Variants in NLGN1 observed in about 807,000 individuals in gnomAD.
The protein encoded by NLGN1 is neuroligin 1.
A neutral mutation model predicts 65.5 loss-of-function variants in NLGN1; 12 were observed. That is an observed-to-expected ratio of 0.18 (90% CI 0.12 to 0.30). The LOEUF is 0.30. Among genes scored for constraint, NLGN1 ranks in the 10% least tolerant of loss-of-function variants. NLGN1 has a pLI of 1.00. For synonymous variants in NLGN1, 350 were observed against 359.5 expected (o/e 0.97, Z 0.30); for missense variants, 750 against 1,007.1 (o/e 0.74, Z 3.46).
exon 7 of NLGN1, chr3:174,282,387 C>T (rs1222287608): frequency 2.0e-5 from 3 of 152,090 alleles, no homozygotes; most frequent in Non-Finnish European, 4.4e-5. Flanking sequence ...GATTATAGTT[C>T]TGAGTTCTTT....
intron 4 of NLGN1, among the ~76,000 whole-genome samples, chr3:174,179,729 T>G (rs769514519): frequency 2.0e-5 from 3 of 152,164 alleles, no homozygotes; most frequent in Non-Finnish European, 2.9e-5. Context: ...TGAATATTTC[T>G]GGGGGTTATT....
At chr3:174,170,954 T>C (rs1018266160) in intron 4 of NLGN1, among the ~76,000 whole-genome samples, 10 of 152,158 alleles carry the variant, frequency 6.6e-5, no homozygotes, top group African/African-American at 2.4e-4. Context: ...TATTTTTACA[T>C]GAAAAATGTG....
chr3:173,966,150 G>T (rs1714822714), intron 4 of NLGN1, among the ~76,000 whole-genome samples: 1 of 152,036 alleles, frequency 6.6e-6, no homozygotes, highest in Non-Finnish European at 1.5e-5. Context: ...GTCCCTTTCT[G>T]TAACAATAGA....
chr3:173,503,345 A>G (rs1560350457), intron 2 of NLGN1, among the ~76,000 whole-genome samples: 1 of 152,104 alleles, frequency 6.6e-6, no homozygotes. Context: ...AGGGCTCAGC[A>G]GCATGTTCTA....
At chr3:173,782,624 G>A (rs1301481618) in intron 3 of NLGN1, among the ~76,000 whole-genome samples, 1 of 151,606 alleles carries the variant, frequency 6.6e-6, no homozygotes, top group Non-Finnish European at 1.5e-5. Flanking sequence ...GCCTCGGGCA[G>A]CCCCCAGGAG....
chr3:173,594,358 C>A (rs1016699480), intron 2 of NLGN1, among the ~76,000 whole-genome samples: 2 of 152,198 alleles, frequency 1.3e-5, no homozygotes, highest in African/African-American at 4.8e-5. Context: ...AGTCCAAAAT[C>A]CAGCAGTGCA....
chr3:174,274,913 A>G (rs1750243345), intron 4 of NLGN1, among the ~76,000 whole-genome samples: 1 of 151,816 alleles, frequency 6.6e-6, no homozygotes, highest in Non-Finnish European at 1.5e-5. Flanking sequence ...TTCCAACCAC[A>G]TTTGACGACA....
chr3:173,901,369 G>GGC (rs1553884993), intron 4 of NLGN1, among the ~76,000 whole-genome samples: 2 of 149,370 alleles, frequency 1.3e-5, no homozygotes, highest in Non-Finnish European at 3.0e-5. Context: ...TTTTTTGGGG[G>GGC]GGTGTGTGTG....
intron 3 of NLGN1, among the ~76,000 whole-genome samples, chr3:173,645,514 T>A (rs571162207): frequency 1.3e-5 from 2 of 152,342 alleles, no homozygotes; most frequent in South Asian, 4.1e-4. Context: ...GCTGTGGCAG[T>A]GTCTCCTCTC....
At chr3:173,744,830 A>AT (rs35668962) in intron 3 of NLGN1, among the ~76,000 whole-genome samples, 76,038 of 148,086 alleles carry the variant, frequency 0.51, 19,916 homozygotes, top group East Asian at 0.74. Context: ...TTATTTATTT[A>AT]TTTTTTTTTT....
intron 4 of NLGN1, among the ~76,000 whole-genome samples, chr3:173,857,020 T>TAA (rs59155869): frequency 1.0e-4 from 14 of 139,944 alleles, no homozygotes; most frequent in East Asian, 2.3e-4. Flanking sequence ...AGGCGTTAGA[T>TAA]AAAAAAAAAA....
intron 4 of NLGN1, chr3:173,920,410 G>A (rs1048015725): frequency 6.6e-6 from 1 of 152,276 alleles, no homozygotes; most frequent in East Asian, 1.9e-4. Flanking sequence ...GCCATATCTT[G>A]TATCACATCA....
At chr3:173,747,640 T>C (rs573258822) in intron 3 of NLGN1, among the ~76,000 whole-genome samples, 2 of 150,860 alleles carry the variant, frequency 1.3e-5, no homozygotes, top group African/African-American at 4.8e-5. Flanking sequence ...ACATATTTCC[T>C]TTTTACCTGA....
intron 4 of NLGN1, among the ~76,000 whole-genome samples, chr3:173,944,172 A>G (rs930008408): frequency 2.4e-5 from 3 of 123,840 alleles, no homozygotes; most frequent in South Asian, 2.5e-4. Context: ...TTTTGTCCCT[A>G]TGCAAGGAGG....
chr3:173,950,928 G>A (rs534315346), intron 4 of NLGN1, among the ~76,000 whole-genome samples: 20 of 152,110 alleles, frequency 1.3e-4, no homozygotes, highest in African/African-American at 4.1e-4. Context: ...GTGCAGTGGC[G>A]TGATCTTGGC....
At chr3:173,605,699 G>GGAATC in intron 3 of NLGN1, 106 bp downstream of exon 3, 1 of 496,934 alleles carries the variant, frequency 2.0e-6, no homozygotes, top group Non-Finnish European at 3.6e-6. Flanking sequence ...AAATGGTTAG[G>GGAATC]TGATGTTTGG....
At chr3:173,534,590 G>A (rs569814001) in intron 2 of NLGN1, among the ~76,000 whole-genome samples, 6 of 152,168 alleles carry the variant, frequency 3.9e-5, no homozygotes, top group Non-Finnish European at 7.3e-5. Flanking sequence ...TTCTAGGGCA[G>A]GAGCTATAAT....
At chr3:173,997,078 T>C (rs1666229008) in intron 4 of NLGN1, among the ~76,000 whole-genome samples, 1 of 152,170 alleles carries the variant, frequency 6.6e-6, no homozygotes, top group South Asian at 2.1e-4. Flanking sequence ...AATAGCAGAA[T>C]AATTCTTAGG....
At chr3:173,575,054 T>C (rs909618538) in intron 2 of NLGN1, among the ~76,000 whole-genome samples, 4 of 152,136 alleles carry the variant, frequency 2.6e-5, no homozygotes, top group African/African-American at 9.7e-5. Context: ...CGGGCTATTT[T>C]TTAAAAAATT....
Sources: allele counts gnomAD v4.1 joint callset (sites outside exome capture counted in the v4.1 genomes callset), GRCh38; gene constraint gnomAD v4.1.1; transcripts MANE v1.5; gene names NCBI Gene and HGNC (gene_info 2026-07-23, HGNC 2026-07-21).